The following CASD1 variants were observed in gnomAD, a reference collection of about 807,000 sequenced individuals.
CASD1 encodes the protein CAS1 domain sialic acid O acetyltransferase 1, also known as N-acetylneuraminate (7)9-O-acetyltransferase.
CASD1 carries 41 observed loss-of-function variants against 100.0 expected under a neutral mutation model. The ratio of observed to expected loss-of-function variants is 0.41; its 90% CI spans 0.32 to 0.53. CASD1 has a LOEUF of 0.53. Ranked by LOEUF, CASD1 falls within the 20% of genes least tolerant of loss-of-function variation. The pLI is 0.25. For synonymous variants in CASD1, 321 were observed against 315.6 expected (o/e 1.02, Z -0.18); for missense variants, 774 against 948.7 (o/e 0.82, Z 2.42).
chr7:94,528,118 A>G, intron 4 of CASD1, 70 bp from the exon 5 acceptor site: 6 of 1,031,766 alleles, frequency 5.8e-6, no homozygotes, highest in Non-Finnish European at 7.5e-6. Context: ...GAGAATGTTA[A>G]TGTTTATTTT....
the CASD1 span, among the ~76,000 whole-genome samples, chr7:94,582,402 C>T: frequency 6.6e-6 from 1 of 152,170 alleles, no homozygotes; most frequent in South Asian, 2.1e-4. Context: ...CAATTACAGG[C>T]GTGAGCCACT....
chr7:94,619,278 T>G, the CASD1 span: 1 of 214,720 alleles, frequency 4.7e-6, no homozygotes, highest in Non-Finnish European at 9.3e-6. Context: ...ACTGATCTTT[T>G]GGGGAGCATG....
the CASD1 span, among the ~76,000 whole-genome samples, chr7:94,572,917 G>A: frequency 6.6e-6 from 1 of 152,166 alleles, no homozygotes; most frequent in Non-Finnish European, 1.5e-5. Context: ...TATGGTGTAA[G>A]GAAGGAGACA....
the CASD1 span, among the ~76,000 whole-genome samples, chr7:94,565,952 A>G: frequency 6.6e-6 from 1 of 152,182 alleles, no homozygotes; most frequent in African/African-American, 2.4e-5. Flanking sequence ...AGTCTTGGCT[A>G]GGATGATGGG....
the CASD1 span, among the ~76,000 whole-genome samples, chr7:94,582,438 G>A: frequency 6.6e-6 from 1 of 151,994 alleles, no homozygotes; most frequent in African/African-American, 2.4e-5. Flanking sequence ...TTTTTCATAT[G>A]TTTTTTGGCA....
rs1322387631 is a variant in CASD1, at chr7:94,555,840, T to C, written c.*82T>C. 2 of 1,351,198 alleles carry C rather than the reference T, an allele frequency of 1.5e-6. No homozygotes were observed. The highest frequency in any genetic ancestry group is 2.0e-6 in the Non-Finnish European group (2 of 991,620). 83.7% of individuals were successfully genotyped at this position (1,351,198 alleles called of 1,614,324 possible). ...AGAGAAAAGCATCTATCTGGAGATA[T>C]AAATGTGTATGTAAATATAAACGTT... On this transcript the variant is annotated 3_prime_UTR_variant, in exon 18 of 18. Transcript: ENST00000297273.
chr7:94,628,398 T>C, the CASD1 span: 1 of 1,517,784 alleles, frequency 6.6e-7, no homozygotes, highest in East Asian at 2.3e-5. Flanking sequence ...AAGACAGTTA[T>C]TTTCACACAT....
chr7:94,559,282 GTGTGTGTGTGTGTGTGTGTGTGTA>G (rs1796298570), downstream of CASD1, among the ~76,000 whole-genome samples: 2 of 130,580 alleles, frequency 1.5e-5, no homozygotes, highest in African/African-American at 5.3e-5. Context: ...ATGTCTGTGT[GTGTGTGTGTGTGTGTGTGTGTGTA>G]TGTGTGTGTG....
intron 2 of CASD1, among the ~76,000 whole-genome samples, chr7:94,517,868 A>C (rs1205103471): frequency 4.6e-5 from 7 of 152,332 alleles, no homozygotes; most frequent in African/African-American, 1.7e-4. Flanking sequence ...TGTGATAACT[A>C]GGCCTAAGGC....
At chr7:94,534,807 G>A (rs1795039444) in intron 7 of CASD1, among the ~76,000 whole-genome samples, 1 of 152,090 alleles carries the variant, frequency 6.6e-6, no homozygotes, top group African/African-American at 2.4e-5. Flanking sequence ...CCAAAATGAG[G>A]AAAAATTAGT....
the CASD1 span, among the ~76,000 whole-genome samples, chr7:94,614,210 C>T: frequency 6.6e-6 from 1 of 150,782 alleles, no homozygotes; most frequent in African/African-American, 2.4e-5. Flanking sequence ...TTTATTGGCA[C>T]TAAATTCTAA....
chr7:94,564,517 C>T, the CASD1 span, among the ~76,000 whole-genome samples: 2 of 152,174 alleles, frequency 1.3e-5, no homozygotes, highest in African/African-American at 4.8e-5. Context: ...GCCCCACAGG[C>T]AAAGGACCCA....
intron 3 of CASD1, among the ~76,000 whole-genome samples, chr7:94,522,658 A>AT (rs1350239470): frequency 2.0e-4 from 30 of 149,506 alleles, no homozygotes; most frequent in Admixed American, 1.0e-3. Context: ...AATTATTTTT[A>AT]TTTATTTTTT....
intron 1 of CASD1, among the ~76,000 whole-genome samples, chr7:94,515,964 C>G (rs1456060138): frequency 6.6e-6 from 1 of 152,034 alleles, no homozygotes; most frequent in East Asian, 1.9e-4. Flanking sequence ...TAAAAGAATG[C>G]TACAGAAATG....
At chr7:94,594,494 C>G in the CASD1 span, 1 of 152,106 alleles carries the variant, frequency 6.6e-6, no homozygotes, top group Non-Finnish European at 1.5e-5. Context: ...AGAAAATGCC[C>G]AGACCTGAGG....
At chr7:94,528,075 C>T in intron 4 of CASD1, 113 bp from the exon 5 acceptor site, 1 of 720,720 alleles carries the variant, frequency 1.4e-6, no homozygotes, top group Non-Finnish European at 2.4e-6. Context: ...ATGTCTTGGA[C>T]AAGGTAGTGT....
At chr7:94,548,856 G>A (rs1727764381) in intron 13 of CASD1, among the ~76,000 whole-genome samples, 1 of 151,834 alleles carries the variant, frequency 6.6e-6, no homozygotes, top group South Asian at 2.1e-4. Flanking sequence ...GTGCAGGAAT[G>A]TACCCAAGAC....
the CASD1 span, chr7:94,600,572 T>C: frequency 2.7e-6 from 3 of 1,114,246 alleles, no homozygotes; most frequent in African/African-American, 4.6e-5. Context: ...AATGAAACTT[T>C]GCTTTTAATG....
chr7:94,529,627 C>T (rs977043843), intron 5 of CASD1, among the ~76,000 whole-genome samples: 1 of 152,098 alleles, frequency 6.6e-6, no homozygotes, highest in African/African-American at 2.4e-5. Flanking sequence ...TGTTAATGTA[C>T]TATTGCCAGC....
Sources: gnomAD v4.1 joint callset for allele counts (sites outside exome capture counted in the v4.1 genomes callset) on GRCh38, gnomAD v4.1.1 for gene constraint, MANE v1.5 for transcripts, NCBI Gene and HGNC (gene_info 2026-07-23, HGNC 2026-07-21) for gene names.